Variants in GRK3 observed in about 807,000 individuals in gnomAD.
The protein encoded by GRK3 is adrenergic, beta, receptor kinase 2.
A neutral mutation model predicts 95.7 loss-of-function variants in GRK3; 54 were observed. That is an observed-to-expected ratio of 0.56 (90% CI 0.45 to 0.71). The LOEUF is 0.71. Ranked by LOEUF, GRK3 falls within the 30% of genes least tolerant of loss-of-function variation. The pLI, the probability that GRK3 is intolerant of heterozygous loss-of-function variation, is 0.00. For missense variants in GRK3, 649 were observed against 851.2 expected (o/e 0.76, Z 2.96); for synonymous variants, 281 against 290.8 (o/e 0.97, Z 0.34).
chr22:25,720,027 T>A (rs905802903), intron 19 of GRK3, among the ~76,000 whole-genome samples: 25 of 152,248 alleles, frequency 1.6e-4, no homozygotes, highest in African/African-American at 5.8e-4. Flanking sequence ...ATTAATAAGA[T>A]CCTTTTGGGG....
chr22:25,592,905 A>G (rs1932542929), intron 1 of GRK3, among the ~76,000 whole-genome samples: 2 of 151,720 alleles, frequency 1.3e-5, no homozygotes, highest in Non-Finnish European at 2.9e-5. Flanking sequence ...AAGTAAGAAC[A>G]TGTGGTATTT....
At chr22:25,621,384 T>C (rs996777171) in intron 2 of GRK3, among the ~76,000 whole-genome samples, 1 of 152,252 alleles carries the variant, frequency 6.6e-6, no homozygotes, top group Non-Finnish European at 1.5e-5. Context: ...AGAACTAGTA[T>C]ATTGATTCAC....
intron 3 of GRK3, among the ~76,000 whole-genome samples, chr22:25,651,472 GT>G (rs1453347677): frequency 6.6e-6 from 1 of 152,172 alleles, no homozygotes; most frequent in Non-Finnish European, 1.5e-5. Flanking sequence ...AACTGTGGTT[GT>G]TTTTTCTGTT....
rs556286713 is a variant in GRK3, at chr22:25,579,708, G to A, written c.113+14555G>A. Among the ~76,000 whole-genome samples the A allele has an allele frequency of 4.0e-3, 614 of 152,020 alleles. 5 individuals are homozygous for A. Among genetic ancestry groups the A allele is most frequent in the Middle Eastern group, 0.014 (4 of 294 alleles). On this transcript the variant is annotated intron_variant, in intron 1 of 20. Transcript: ENST00000324198. ...AGGATGGTCTCGATCTCCTGACCTCGTGATCTGCCCGCCTCAGCCTCCCAA... is the reference window on the plus strand; with the variant it reads ...AGGATGGTCTCGATCTCCTGACCTCATGATCTGCCCGCCTCAGCCTCCCAA...
At chr22:25,582,042 C>T (rs956512786) in intron 1 of GRK3, among the ~76,000 whole-genome samples, 1 of 152,014 alleles carries the variant, frequency 6.6e-6, no homozygotes, top group South Asian at 2.1e-4. Context: ...TTTGGGAGGC[C>T]GAGGCGGGTG....
chr22:25,714,893 G>T (rs1003850075), intron 18 of GRK3: 8 of 198,772 alleles, frequency 4.0e-5, no homozygotes, highest in Non-Finnish European at 8.1e-5. Context: ...GGTGTCATTG[G>T]TGTGTGCCCT....
intron 2 of GRK3, among the ~76,000 whole-genome samples, chr22:25,607,356 G>GT (rs528665019): frequency 1.6e-3 from 217 of 136,284 alleles, no homozygotes; most frequent in East Asian, 5.3e-3. Flanking sequence ...ACTTAAAAAT[G>GT]TTTTTTTTTT....
intron 1 of GRK3, among the ~76,000 whole-genome samples, chr22:25,602,462 C>T (rs2084415817): frequency 6.6e-6 from 1 of 152,210 alleles, no homozygotes; most frequent in South Asian, 2.1e-4. Context: ...AACAATTTCA[C>T]TTCCTGGTGT....
intron 15 of GRK3, among the ~76,000 whole-genome samples, chr22:25,708,426 T>TGGGGAGTAGGAGTGTCCTGGAACAC (rs2085317296): frequency 6.6e-6 from 1 of 152,004 alleles, no homozygotes; most frequent in Admixed American, 6.5e-5. Flanking sequence ...CTGAGTGGGC[T>TGGGGAGTAGGAGTGTCCTGGAACAC]GGGGAGTAGG....
At chr22:25,717,621 A>G (rs916909510) in intron 18 of GRK3, among the ~76,000 whole-genome samples, 1 of 152,216 alleles carries the variant, frequency 6.6e-6, no homozygotes, top group Non-Finnish European at 1.5e-5. Flanking sequence ...CAAAGCCTTT[A>G]ATACAGACTT....
chr22:25,679,048 C>G, intron 9 of GRK3, 133 bp downstream of exon 9: 1 of 553,356 alleles, frequency 1.8e-6, no homozygotes, highest in Non-Finnish European at 3.2e-6. Flanking sequence ...GATAGTATCT[C>G]TTTATTTGAT....
rs554012007 is a variant in GRK3 at position 25,618,918 on chromosome 22, T to G, written c.190+14465T>G. On this transcript the variant is annotated intron_variant, in intron 2 of 20. Transcript: ENST00000324198. ...ATCCTCCTAGTTTATTTTCCTTCTC[T>G]GAAAGACCGCAACCCTTTCCATGTC... Among the ~76,000 whole-genome samples, 13 of 152,298 alleles carry G rather than the reference T, an allele frequency of 8.5e-5. No individual in the cohort carries two copies. The East Asian group carries it at 2.5e-3, about 29-fold the overall frequency.
intron 2 of GRK3, among the ~76,000 whole-genome samples, chr22:25,622,807 TGGGACATATTCTG>T (rs899039914): frequency 1.1e-4 from 16 of 152,166 alleles, no homozygotes; most frequent in African/African-American, 3.9e-4. Context: ...ATGGGTGGCC[TGGGACATATTCTG>T]GAGCCAGAAC....
chr22:25,644,530 C>T (rs1166344355), intron 2 of GRK3, 62 bp from the exon 3 acceptor site: 7 of 793,074 alleles, frequency 8.8e-6, no homozygotes, highest in Non-Finnish European at 1.5e-5. Flanking sequence ...TTTGAAAACA[C>T]CCTTGTGGGA....
chr22:25,581,730 C>G (rs1932105149), intron 1 of GRK3, among the ~76,000 whole-genome samples: 1 of 151,928 alleles, frequency 6.6e-6, no homozygotes, highest in African/African-American at 2.4e-5. Flanking sequence ...TGTTTACTTC[C>G]TGAGTGCAAA....
intron 1 of GRK3, among the ~76,000 whole-genome samples, chr22:25,579,301 C>G (rs1462352328): frequency 2.6e-5 from 4 of 151,634 alleles, no homozygotes; most frequent in African/African-American, 9.7e-5. Flanking sequence ...CACATGCTAC[C>G]ATGCCTGGCT....
chr22:25,634,344 T>C (rs2084684960), intron 2 of GRK3, among the ~76,000 whole-genome samples: 1 of 152,156 alleles, frequency 6.6e-6, no homozygotes, highest in African/African-American at 2.4e-5. Flanking sequence ...ATATGTGTTG[T>C]GATGCTGGAT....
At chr22:25,638,976 C>T (rs945350260) in intron 2 of GRK3, among the ~76,000 whole-genome samples, 1 of 152,182 alleles carries the variant, frequency 6.6e-6, no homozygotes, top group African/African-American at 2.4e-5. Flanking sequence ...CTGGCTGTTT[C>T]TATCCCTTTC....
At chr22:25,702,437 AT>A (rs1271326356) in intron 13 of GRK3, among the ~76,000 whole-genome samples, 1 of 152,220 alleles carries the variant, frequency 6.6e-6, no homozygotes, top group Non-Finnish European at 1.5e-5. Context: ...GCCTCAGATT[AT>A]GTCATATATG....
Sources: allele counts gnomAD v4.1 joint callset (sites outside exome capture counted in the v4.1 genomes callset), GRCh38; gene constraint gnomAD v4.1.1; transcripts MANE v1.5; gene names NCBI Gene and HGNC (gene_info 2026-07-23, HGNC 2026-07-21).